EBF2: variants seen among roughly 807,000 people sequenced by gnomAD.
The protein encoded by EBF2 is EBF transcription factor 2.
EBF2 carries 21 observed loss-of-function variants against 72.8 expected under a neutral mutation model. That is an observed-to-expected ratio of 0.29 (90% CI 0.20 to 0.42). The LOEUF (loss-of-function observed/expected upper bound fraction) is 0.42, where lower values mean the gene tolerates loss of function less well. Among genes scored for constraint, EBF2 ranks in the 10% least tolerant of loss-of-function variants. EBF2 has a pLI of 1.00. For synonymous variants in EBF2, 299 were observed against 274.2 expected (o/e 1.09, Z -0.89); for missense variants, 637 against 731.2 (o/e 0.87, Z 1.49).
chr8:26,005,285 A>ATAATATATAATATAT (rs1193013357), intron 6 of EBF2, among the ~76,000 whole-genome samples: 2 of 730 alleles, frequency 2.7e-3, no homozygotes, highest in African/African-American at 8.2e-3. Flanking sequence ...ATAATTATAT[A>ATAATATATAATATAT]ATTATATAAT....
chr8:25,897,837 C>T (rs1189064920), intron 7 of EBF2, among the ~76,000 whole-genome samples: 1 of 152,176 alleles, frequency 6.6e-6, no homozygotes, highest in Non-Finnish European at 1.5e-5. Flanking sequence ...ATGTGCATGT[C>T]TTTCGGGTAG....
chr8:25,957,043 G>T (rs1803960655), intron 6 of EBF2, among the ~76,000 whole-genome samples: 2 of 152,154 alleles, frequency 1.3e-5, no homozygotes, highest in Non-Finnish European at 1.5e-5. Flanking sequence ...TTATTGCTGT[G>T]CCTTACATTG....
intron 6 of EBF2, among the ~76,000 whole-genome samples, chr8:25,979,511 A>G (rs1804325169): frequency 1.3e-5 from 2 of 152,256 alleles, no homozygotes; most frequent in Admixed American, 1.3e-4. Context: ...AGATACTCTG[A>G]AAGGCCCCAC....
chr8:26,042,643 G>T (rs1303289536), intron 1 of EBF2, among the ~76,000 whole-genome samples: 1 of 152,252 alleles, frequency 6.6e-6, no homozygotes, highest in African/African-American at 2.4e-5. Flanking sequence ...AGGTGGTACT[G>T]CTGGGTGTAT....
intron 7 of EBF2, among the ~76,000 whole-genome samples, chr8:25,906,787 C>G (rs989917804): frequency 4.0e-5 from 6 of 151,480 alleles, no homozygotes; most frequent in Non-Finnish European, 7.4e-5. Context: ...AACAAACAAA[C>G]AAACAAACAA....
chr8:25,956,868 A>G (rs947888277), intron 6 of EBF2, among the ~76,000 whole-genome samples: 10 of 152,232 alleles, frequency 6.6e-5, no homozygotes, highest in East Asian at 1.9e-4. Flanking sequence ...AAGGTAATCC[A>G]GACTATTATA....
At position 25,862,813 on chromosome 8, in the gene EBF2, C is replaced by T. The variant is rs181024485; in HGVS notation, c.1010-16G>A. 5.7e-4 allele frequency: 884 copies of T among 1,560,360 alleles called. 2 individuals are homozygous for T. Among genetic ancestry groups the T allele is most frequent in the African/African-American group, 5.0e-3 (368 of 73,466 alleles). On this transcript the variant is annotated splice_polypyrimidine_tract_variant and intron_variant, in intron 10 of 15. Transcript: ENST00000520164. ...TCATTTAATGCTGAAAGAGAAAAGT[C>T]CTCTTTCTGAGTTGGTATCCTGGCT...
At chr8:25,853,296 T>TGAGCTA (rs1450275470) in intron 14 of EBF2, among the ~76,000 whole-genome samples, 2 of 152,228 alleles carry the variant, frequency 1.3e-5, no homozygotes, top group Admixed American at 1.3e-4. Context: ...GTAATACTTA[T>TGAGCTA]TTAGATATGT....
At chr8:25,946,325 T>C (rs879386765) in intron 6 of EBF2, among the ~76,000 whole-genome samples, 4 of 152,210 alleles carry the variant, frequency 2.6e-5, no homozygotes, top group Admixed American at 1.3e-4. Flanking sequence ...GAGCAAGACC[T>C]ATACCTTCTT....
At chr8:25,880,189 T>G (rs1008190872) in intron 10 of EBF2, among the ~76,000 whole-genome samples, 1 of 152,212 alleles carries the variant, frequency 6.6e-6, no homozygotes, top group Non-Finnish European at 1.5e-5. Context: ...ATAGGCCACG[T>G]AGAGCAAATA....
At chr8:26,022,500 CCAT>C (rs1292273484) in intron 6 of EBF2, among the ~76,000 whole-genome samples, 1 of 152,174 alleles carries the variant, frequency 6.6e-6, no homozygotes, top group Non-Finnish European at 1.5e-5. Context: ...CATCTCACTG[CCAT>C]CTTGTGAGTC....
At chr8:25,941,864 T>C (rs185039697) in intron 6 of EBF2, among the ~76,000 whole-genome samples, 17 of 152,330 alleles carry the variant, frequency 1.1e-4, no homozygotes, top group Admixed American at 9.8e-4. Flanking sequence ...GCAATGTGGA[T>C]GTTCAAAGGG....
At chr8:25,970,778 C>G (rs1385176954) in intron 6 of EBF2, among the ~76,000 whole-genome samples, 1 of 152,176 alleles carries the variant, frequency 6.6e-6, no homozygotes, top group Non-Finnish European at 1.5e-5. Flanking sequence ...TCACTCACTG[C>G]TGCTGTTCTT....
chr8:25,866,147 T>C (rs56145040), intron 10 of EBF2, among the ~76,000 whole-genome samples: 22,109 of 151,938 alleles, frequency 0.15, 1,865 homozygotes, highest in African/African-American at 0.22. Flanking sequence ...ACAGTGATCA[T>C]TTTGTCTCCT....
At chr8:25,845,840 G>T (rs1174691292) in intron 15 of EBF2, among the ~76,000 whole-genome samples, 1 of 152,106 alleles carries the variant, frequency 6.6e-6, no homozygotes, top group African/African-American at 2.4e-5. Flanking sequence ...TATCTACAAT[G>T]CATCTAAGGA....
intron 6 of EBF2, among the ~76,000 whole-genome samples, chr8:25,941,938 T>C (rs890275619): frequency 2.4e-4 from 36 of 152,254 alleles, no homozygotes; most frequent in African/African-American, 8.7e-4. Context: ...TGTGGCTTAA[T>C]AATGGATCAC....
chr8:25,871,536 T>C (rs1417212618), intron 10 of EBF2, among the ~76,000 whole-genome samples: 1 of 152,222 alleles, frequency 6.6e-6, no homozygotes, highest in African/African-American at 2.4e-5. Flanking sequence ...TTACCTTTTA[T>C]TAAATAATTA....
At chr8:25,938,869 C>T (rs1002296547) in intron 6 of EBF2, among the ~76,000 whole-genome samples, 1 of 152,086 alleles carries the variant, frequency 6.6e-6, no homozygotes, top group Non-Finnish European at 1.5e-5. Context: ...CTGCACACCT[C>T]TCTCTCTAGG....
chr8:26,037,478 C>A (rs563892471), intron 5 of EBF2, among the ~76,000 whole-genome samples: 14 of 152,338 alleles, frequency 9.2e-5, no homozygotes, highest in African/African-American at 2.9e-4. Flanking sequence ...CTCCTCCCTG[C>A]GATTGCATAA....
Sources: allele counts gnomAD v4.1 joint callset (sites outside exome capture counted in the v4.1 genomes callset), GRCh38; gene constraint gnomAD v4.1.1; transcripts MANE v1.5; gene names NCBI Gene and HGNC (gene_info 2026-07-23, HGNC 2026-07-21).